Variants in RUFY3 observed in about 807,000 individuals in gnomAD.
The protein encoded by RUFY3 is protein RUFY3.
A neutral mutation model predicts 84.0 loss-of-function variants in RUFY3; 34 were observed. The ratio of observed to expected loss-of-function variants is 0.40; its 90% CI spans 0.31 to 0.54. RUFY3 has a LOEUF of 0.54. Among genes scored for constraint, RUFY3 ranks in the 20% least tolerant of loss-of-function variants. The pLI, the probability that RUFY3 is intolerant of heterozygous loss-of-function variation, is 0.39. For missense variants in RUFY3, 507 were observed against 736.8 expected (o/e 0.69, Z 3.61); for synonymous variants, 242 against 252.9 (o/e 0.96, Z 0.41).
chr4:70,740,933 G>T (rs150860724), intron 1 of RUFY3, among the ~76,000 whole-genome samples: 2 of 152,062 alleles, frequency 1.3e-5, no homozygotes, highest in Admixed American at 1.3e-4. Context: ...TTTACTTGAG[G>T]CTATTTATAG....
chr4:70,754,474 A>T (rs528953299), intron 1 of RUFY3, among the ~76,000 whole-genome samples: 1 of 152,082 alleles, frequency 6.6e-6, no homozygotes, highest in African/African-American at 2.4e-5. Flanking sequence ...ATAGATAGAT[A>T]TAGTTATGGA....
chr4:70,747,512 A>AG (rs1491379133), intron 1 of RUFY3, among the ~76,000 whole-genome samples: 1 of 151,952 alleles, frequency 6.6e-6, no homozygotes. Flanking sequence ...AAAAAAAAAA[A>AG]CAAATTCCTG....
At chr4:70,751,809 A>G (rs1459521429) in intron 1 of RUFY3, among the ~76,000 whole-genome samples, 1 of 152,194 alleles carries the variant, frequency 6.6e-6, no homozygotes, top group Non-Finnish European at 1.5e-5. Context: ...GTTATAAAAT[A>G]TTTAGACCTG....
chr4:70,735,648 C>G (rs907716619), intron 1 of RUFY3, among the ~76,000 whole-genome samples: 4 of 151,866 alleles, frequency 2.6e-5, no homozygotes, highest in Non-Finnish European at 5.9e-5. Context: ...CAAGGCCAGC[C>G]TGGGCAACAT....
chr4:70,801,485 A>G (rs1477992378), intron 15 of RUFY3, among the ~76,000 whole-genome samples: 2 of 152,232 alleles, frequency 1.3e-5, no homozygotes, highest in Admixed American at 6.5e-5. Context: ...TTTCTACTCA[A>G]TTTGACTGTG....
At chr4:70,795,668 C>A (rs1280262365) in intron 14 of RUFY3, among the ~76,000 whole-genome samples, 1 of 152,108 alleles carries the variant, frequency 6.6e-6, no homozygotes, top group Non-Finnish European at 1.5e-5. Flanking sequence ...TATTTCTCAA[C>A]CTAAGTTCCA....
At chr4:70,804,949 CAAA>C (rs1222525355) in intron 17 of RUFY3, among the ~76,000 whole-genome samples, 3 of 151,842 alleles carry the variant, frequency 2.0e-5, no homozygotes, top group Non-Finnish European at 4.4e-5. Context: ...AATAAACAAA[CAAA>C]AATAATTATG....
intron 1 of RUFY3, among the ~76,000 whole-genome samples, chr4:70,759,536 T>G (rs141952584): frequency 3.0e-4 from 46 of 152,296 alleles, no homozygotes; most frequent in African/African-American, 1.1e-3. Context: ...TGGATAAATA[T>G]CTGGTAGTGG....
In RUFY3 at chr4:70,806,702, C is replaced by T. The variant is rs778771655; in HGVS notation, c.*43C>T. The T allele has an allele frequency of 5.0e-6, 8 of 1,609,532 alleles. No individual in the cohort carries two copies. The East Asian group carries it at 1.8e-4, about 36-fold the overall frequency. On this transcript the variant is annotated 3_prime_UTR_variant, in exon 18 of 18. Coordinates refer to ENST00000381006, the MANE Select transcript of RUFY3 (RefSeq NM_001037442.4). Reference sequence around the variant, plus strand: ...TGGACCAAAACGTTTATGCAGGCTCCTCTGTACCTGTGTTTTAGCTGTCAG... The same window carrying T: ...TGGACCAAAACGTTTATGCAGGCTCTTCTGTACCTGTGTTTTAGCTGTCAG...
chr4:70,761,993 G>T (rs1725111719), intron 1 of RUFY3, among the ~76,000 whole-genome samples: 1 of 152,126 alleles, frequency 6.6e-6, no homozygotes, highest in Admixed American at 6.6e-5. Context: ...TTAGGTTAGG[G>T]TGATAGCAGA....
exon 1 of RUFY3, chr4:70,705,267 G>GGCGGCAGCAGCGGCA (rs1560426643): frequency 4.9e-6 from 7 of 1,439,504 alleles, no homozygotes; most frequent in Non-Finnish European, 6.4e-6. Flanking sequence ...GAGCGGCGGC[G>GGCGGCAGCAGCGGCA]GCGGCAGCAG....
chr4:70,775,940 T>TAAACAAAAAAAAAA (rs1553917214), intron 7 of RUFY3, among the ~76,000 whole-genome samples: 54 of 16,140 alleles, frequency 3.3e-3, no homozygotes, highest in African/African-American at 0.018. Flanking sequence ...GACACTGTCT[T>TAAACAAAAAAAAAA]AAACAAAAAA....
chr4:70,718,328 AT>A (rs1186510016), upstream of RUFY3, among the ~76,000 whole-genome samples: 1 of 152,218 alleles, frequency 6.6e-6, no homozygotes, highest in African/African-American at 2.4e-5. Context: ...GAGTACAAAT[AT>A]CCTTTAAGAG....
In RUFY3 at chr4:70,704,877, T is replaced by C. The variant is rs1374785005; in HGVS notation, c.-60T>C. ...GGGCGGCGGCTCCTCGCCCTGACCC[T>C]CTGCTCCCCCGCCCAGGCCCGGGCG... is the stretch of plus-strand genomic sequence containing the variant. On this transcript the variant is annotated 5_prime_UTR_variant, in exon 1 of 12. Coordinates refer to the RUFY3 transcript ENST00000417478. The C allele has an allele frequency of 2.7e-6, 3 of 1,121,964 alleles. No individual in the cohort carries two copies. In the African/African-American group the frequency reaches 4.9e-5, roughly 18 times the overall value. 69.5% of individuals were successfully genotyped at this position (1,121,964 alleles called of 1,614,324 possible). A position where few individuals can be genotyped will look rare whatever the true frequency, so the allele number is the denominator to read the frequency against.
chr4:70,756,423 G>T (rs1043206617), intron 1 of RUFY3, among the ~76,000 whole-genome samples: 1 of 152,102 alleles, frequency 6.6e-6, no homozygotes, highest in Non-Finnish European at 1.5e-5. Context: ...GGTGAAATCT[G>T]TACTCCTTAA....
upstream of RUFY3, among the ~76,000 whole-genome samples, chr4:70,717,859 AGACTT>A (rs1741792045): frequency 6.7e-6 from 1 of 149,630 alleles, no homozygotes; most frequent in Admixed American, 6.7e-5. Flanking sequence ...GCTTTTGTGA[AGACTT>A]GACATGGTAT....
intron 1 of RUFY3, among the ~76,000 whole-genome samples, chr4:70,755,503 A>G (rs1723850874): frequency 6.6e-6 from 1 of 152,232 alleles, no homozygotes; most frequent in African/African-American, 2.4e-5. Context: ...TCAGAACAAT[A>G]TGACTCACTG....
upstream of RUFY3, among the ~76,000 whole-genome samples, chr4:70,721,724 G>A (rs1278732855): frequency 6.6e-6 from 1 of 152,034 alleles, no homozygotes; most frequent in Non-Finnish European, 1.5e-5. Flanking sequence ...ATTATTATCC[G>A]GTATTAATTG....
At chr4:70,783,489 T>C (rs571474633) in intron 9 of RUFY3, among the ~76,000 whole-genome samples, 1 of 152,374 alleles carries the variant, frequency 6.6e-6, no homozygotes, top group East Asian at 1.9e-4. Context: ...TTAAACATAC[T>C]ATTACTTTTA....
Sources: allele counts gnomAD v4.1 joint callset (sites outside exome capture counted in the v4.1 genomes callset), GRCh38; gene constraint gnomAD v4.1.1; transcripts MANE v1.5; gene names NCBI Gene and HGNC (gene_info 2026-07-23, HGNC 2026-07-21).